TRIM41: variants seen among roughly 807,000 people sequenced by gnomAD.
TRIM41 encodes the protein E3 ubiquitin-protein ligase TRIM41.
A neutral mutation model predicts 60.6 loss-of-function variants in TRIM41; 21 were observed. That is an observed-to-expected ratio of 0.35 (90% CI 0.25 to 0.50). The LOEUF (loss-of-function observed/expected upper bound fraction) is 0.50, where lower values mean the gene tolerates loss of function less well. TRIM41 is among the 20% of genes least tolerant of loss of function. The pLI, the probability that TRIM41 is intolerant of heterozygous loss-of-function variation, is 0.98. For synonymous variants in TRIM41, 407 were observed against 344.9 expected (o/e 1.18, Z -2.00); for missense variants, 846 against 868.3 (o/e 0.97, Z 0.32).
chr5:181,234,963 A>G lies in TRIM41; in HGVS notation c.*188A>G. 6.2e-7 allele frequency: 1 copy of G among 1,614,054 alleles called. No homozygotes were observed. Among genetic ancestry groups the G allele is most frequent in the South Asian group, 1.1e-5 (1 of 91,084 alleles). On this transcript the variant is annotated 3_prime_UTR_variant, in exon 6 of 6. Transcript: ENST00000315073. The surrounding 1 kb of genome is among the most constrained non-coding windows in gnomAD (Gnocchi z 5.6). The stretch of plus-strand genomic sequence containing the variant: ...AAAGAACCCTCCTGGCCTCCAGCTC[A>G]GCCTTCTCTCACCTACTATGTCTGT...
chr5:181,224,762 C>A lies in TRIM41; in HGVS notation c.763C>A (p.His255Asn). The change falls in exon 1 of 6, where the codon CAC (histidine) becomes AAC (asparagine). Residue 255 changes from histidine to asparagine, a missense_variant. Coordinates refer to ENST00000315073, the MANE Select transcript of TRIM41 (RefSeq NM_033549.5). ...TGTGGTGTGCCGAGAATCCAGGAGC[C>A]ACAAACAGCACAGCGTGGTGCCATT... ...ICVVCRESRS[H>N]KQHSVVPLEE... The A allele has an allele frequency of 6.2e-7, 1 of 1,614,198 alleles. No individual in the cohort carries two copies. Among genetic ancestry groups the A allele is most frequent in the East Asian group, 2.2e-5 (1 of 44,870 alleles).
At position 181,223,515 on chromosome 5, in the gene TRIM41, C is replaced by T. The variant is rs956927350; in HGVS notation, c.-485C>T. ...GCGGGCCTCCACCGTCCTAGCCCTC[C>T]CGCCCTGTTCTCTAGTGCGGACTAG... On this transcript the variant is annotated 5_prime_UTR_variant, in exon 1 of 6. Transcript: ENST00000315073. 5 of 418,476 alleles carry T rather than the reference C, an allele frequency of 1.2e-5. No homozygotes were observed. The highest frequency in any genetic ancestry group is 1.0e-4 in the African/African-American group (5 of 49,412). 25.9% of individuals were successfully genotyped at this position (418,476 alleles called of 1,614,324 possible).
In TRIM41 at chr5:181,223,404, C is replaced by G. The variant is rs1036266902; in HGVS notation, c.-596C>G. ...GGCCGCCAGGCGCTCCCCCTACCCC[C>G]CGAAGTTTCTCCCCAGCGGCGGGGG... On this transcript the variant is annotated 5_prime_UTR_variant, in exon 1 of 6. Coordinates refer to ENST00000315073, the MANE Select transcript of TRIM41 (RefSeq NM_033549.5). 4.2e-5 allele frequency: 17 copies of G among 400,082 alleles called. No homozygotes were observed. Among genetic ancestry groups the G allele is most frequent in the Non-Finnish European group, 5.7e-5 (13 of 227,172 alleles). 24.8% of individuals were successfully genotyped at this position (400,082 alleles called of 1,614,324 possible). A position where few individuals can be genotyped will look rare whatever the true frequency, so the allele number is the denominator to read the frequency against.
chr5:181,235,658 G>T lies in TRIM41; in HGVS notation c.*883G>T. 2.0e-6 allele frequency: 1 copy of T among 500,330 alleles called. No individual in the cohort carries two copies. The highest frequency in any genetic ancestry group is 3.6e-6 in the Non-Finnish European group (1 of 276,430). 31.0% of individuals were successfully genotyped at this position (500,330 alleles called of 1,614,324 possible). ...CCTGGGGACGGGTTTGGGTCCCCAGGAGGAGAGCCTTGGGTATAATCTATT... is the reference window on the plus strand; with the variant it reads ...CCTGGGGACGGGTTTGGGTCCCCAGTAGGAGAGCCTTGGGTATAATCTATT... On this transcript the variant is annotated 3_prime_UTR_variant, in exon 6 of 6. Transcript: ENST00000315073.
At chr5:181,228,172 TTGCAGTGAGCTGAGATCACG>T (rs1758631340) in intron 1 of TRIM41, 1 of 148,126 alleles carries the variant, frequency 6.8e-6, no homozygotes, top group East Asian at 2.0e-4. Context: ...GCGGTGGAGC[TTGCAGTGAGCTGAGATCACG>T]CCACTGCACT....
In TRIM41 at chr5:181,233,620, G is replaced by A; in HGVS notation, c.1164-16G>A. On this transcript the variant is annotated splice_polypyrimidine_tract_variant and intron_variant, in intron 4 of 5. Coordinates refer to ENST00000315073, the MANE Select transcript of TRIM41 (RefSeq NM_033549.5). The surrounding 1 kb of genome is among the most constrained non-coding windows in gnomAD (Gnocchi z 4.1). ...AATATCGTGGTCCCACCCCCTGCCC[G>A]GTCCCCTTCCTCCAGGTGTGAAGAG... 6 of 1,613,378 alleles carry A rather than the reference G, an allele frequency of 3.7e-6. No homozygotes were observed. The highest frequency in any genetic ancestry group is 1.3e-5 in the African/African-American group (1 of 74,912).
At position 181,235,030 on chromosome 5, in the gene TRIM41, C is replaced by T. The variant is rs1390153603; in HGVS notation, c.*255C>T. On this transcript the variant is annotated 3_prime_UTR_variant, in exon 6 of 6. Coordinates refer to ENST00000315073, the MANE Select transcript of TRIM41 (RefSeq NM_033549.5). ...GGTCCCTGATAATGAGAACAGCTGC[C>T]TGGTCTTCTCTCCCAGTCTGCCTAG... 6.2e-6 allele frequency: 10 copies of T among 1,613,916 alleles called. No individual in the cohort carries two copies. The highest frequency in any genetic ancestry group is 1.6e-4 in the Middle Eastern group (1 of 6,084).
At position 181,235,754 on chromosome 5, in the gene TRIM41, T is replaced by G. The variant is rs1759087644; in HGVS notation, c.*979T>G. 4.1e-6 allele frequency: 1 copy of G among 245,978 alleles called. No homozygotes were observed. The highest frequency in any genetic ancestry group is 2.2e-5 in the African/African-American group (1 of 45,550). 15.2% of individuals were successfully genotyped at this position (245,978 alleles called of 1,614,324 possible). On this transcript the variant is annotated 3_prime_UTR_variant, in exon 6 of 6. Transcript: ENST00000315073. Reference sequence around the variant, plus strand: ...CTTTGATGGCTGAGGTGAACTCATGTTCTTTGGGAAAAGGGAAGGCGTGCT... The same window carrying G: ...CTTTGATGGCTGAGGTGAACTCATGGTCTTTGGGAAAAGGGAAGGCGTGCT...
chr5:181,224,839 G>A, intron 1 of TRIM41, 27 bp downstream of exon 1: 1 of 1,613,858 alleles, frequency 6.2e-7, no homozygotes. Flanking sequence ...GAGAAGATGG[G>A]AGTTTAGTGG....
intron 2 of TRIM41, chr5:181,232,056 G>C (rs964198274): frequency 6.6e-6 from 1 of 152,204 alleles, no homozygotes; most frequent in African/African-American, 2.4e-5. Context: ...GGGCTTTTGG[G>C]TGACTTTCTT....
At position 181,224,392 on chromosome 5, in the gene TRIM41, A is replaced by C; in HGVS notation, c.393A>C (p.Glu131Asp). Residue 131 changes from glutamate to aspartate, a missense_variant, in exon 1 of 6, where the codon GAA becomes GAC. Glu to Asp is a conservative substitution (Grantham distance 45, BLOSUM62 2). Transcript: ENST00000315073. ...TGTGGGAGGAGGAGGACGAGGAGGA[A>C]GACCTGGACTACTACTTGGGGGACA... ...DYVWEEEDEE[E>D]DLDYYLGDME... 1 of 1,611,916 alleles carries C rather than the reference A, an allele frequency of 6.2e-7. No individual in the cohort carries two copies. The highest frequency in any genetic ancestry group is 8.5e-7 in the Non-Finnish European group (1 of 1,178,676).
rs373135410 is a variant in TRIM41, at chr5:181,224,202, G to C, written c.203G>C (p.Gly68Ala). ...ELDREEEEEDGEEEEVEAVGA... is the reference protein window; with the variant it reads ...ELDREEEEEDAEEEEVEAVGA... ...GATCGGGAGGAGGAGGAGGAGGACG[G>C]AGAGGAGGAGGAAGTGGAGGCTGTG... The change falls in exon 1 of 6, where the codon GGA becomes GCA. Residue 68 changes from glycine to alanine, a missense_variant. Physicochemically the swap from Gly to Ala is moderately conservative, Grantham distance 60. Coordinates refer to ENST00000315073, the MANE Select transcript of TRIM41 (RefSeq NM_033549.5). 1.2e-4 allele frequency: 194 copies of C among 1,613,080 alleles called. No individual in the cohort carries two copies. Among genetic ancestry groups the C allele is most frequent in the Middle Eastern group, 6.6e-4 (4 of 6,068 alleles).
Position 181,230,822 on chromosome 5 carries a change from C to A in TRIM41, c.892C>A (p.Arg298=). 1 of 1,612,586 alleles carries A rather than the reference C, an allele frequency of 6.2e-7. No homozygotes were observed. Among genetic ancestry groups the A allele is most frequent in the Non-Finnish European group, 8.5e-7 (1 of 1,179,062 alleles). The change falls in exon 2 of 6, where the codon CGA becomes AGA. Residue 298 remains arginine, a synonymous_variant. Coordinates refer to ENST00000315073, the MANE Select transcript of TRIM41 (RefSeq NM_033549.5). ...VQKMKAKEER[R]VTELKSQMKS... ...GAAGATGAAAGCCAAGGAGGAGAGG[C>A]GAGTGACAGAACTGAAGGTGGGTGA...
intron 2 of TRIM41, chr5:181,232,444 C>T: frequency 1.8e-6 from 1 of 553,864 alleles, no homozygotes. Flanking sequence ...GAGGAGTGTT[C>T]CAGGCAGAGG....
chr5:181,228,998 A>C (rs942667721), intron 1 of TRIM41: 2 of 151,964 alleles, frequency 1.3e-5, no homozygotes, highest in African/African-American at 4.8e-5. Flanking sequence ...TTCTGAATTA[A>C]TGGAGAAATT....
At chr5:181,230,880 C>A in intron 2 of TRIM41, 41 bp downstream of exon 2, 2 of 1,576,584 alleles carry the variant, frequency 1.3e-6, no homozygotes, top group South Asian at 2.2e-5. Context: ...GCAGTACAGT[C>A]GAGGCAAGGA....
Position 181,234,517 on chromosome 5 carries a change from C to T in TRIM41, c.1635C>T (p.Leu545=), listed in dbSNP as rs748678793. ...TCCACCTGCCCCAGCAGCCCCTGCT[C>T]CAGCGGGAAGTGTGGTGCGTGGGCA... The part of the protein sequence containing the change: ...RRLHLPQQPL[L]QREVWCVGTN... Residue 545 remains leucine, a synonymous_variant, in exon 6 of 6, where the codon CTC becomes CTT. Transcript: ENST00000315073. The surrounding 1 kb of genome is among the most constrained non-coding windows in gnomAD (Gnocchi z 5.6). 5 of 1,614,086 alleles carry T rather than the reference C, an allele frequency of 3.1e-6. No homozygotes were observed. Among genetic ancestry groups the T allele is most frequent in the Middle Eastern group, 1.7e-4 (1 of 6,046 alleles).
At chr5:181,226,931 T>C (rs943972334) in intron 1 of TRIM41, 3 of 151,818 alleles carry the variant, frequency 2.0e-5, no homozygotes, top group African/African-American at 7.3e-5. Flanking sequence ...TGGAGTGCAA[T>C]GGCACAATCT....
intron 1 of TRIM41, chr5:181,226,425 G>C (rs983020403): frequency 2.0e-5 from 3 of 152,132 alleles, no homozygotes; most frequent in African/African-American, 4.8e-5. Flanking sequence ...TGTTAAACCT[G>C]CCTGATTGTT....
Sources: gnomAD v4.1 joint callset for allele counts on GRCh38, gnomAD v4.1.1 for gene constraint, Gnocchi (gnomAD v3.1) non-coding constraint, MANE v1.5 for transcripts, NCBI Gene and HGNC (gene_info 2026-07-23, HGNC 2026-07-21) for gene names.